JARID2: variants seen among roughly 807,000 people sequenced by gnomAD.
JARID2 encodes protein Jumonji.
A neutral mutation model predicts 125.6 loss-of-function variants in JARID2; 21 were observed. The observed-to-expected ratio is 0.17, with a 90% CI of 0.12 to 0.24. The LOEUF is 0.24. JARID2 is among the 10% of genes least tolerant of loss of function. The pLI is 1.00. For missense variants in JARID2, 1,303 were observed against 1,639.6 expected (o/e 0.79, Z 3.55); for synonymous variants, 736 against 661.6 (o/e 1.11, Z -1.73).
At chr6:15,462,096 A>G (rs1768480532) in intron 4 of JARID2, among the ~76,000 whole-genome samples, 1 of 152,150 alleles carries the variant, frequency 6.6e-6, no homozygotes, top group African/African-American at 2.4e-5. Flanking sequence ...AATTTTAACC[A>G]TTACCTTTCC....
intron 1 of JARID2, chr6:15,369,346 C>T (rs201724855): frequency 5.5e-5 from 24 of 440,080 alleles, no homozygotes; most frequent in Non-Finnish European, 2.7e-5. Context: ...AAGTTTGATT[C>T]CTGACCAATT....
chr6:15,321,042 T>C (rs1172644583), intron 1 of JARID2, among the ~76,000 whole-genome samples: 2 of 152,134 alleles, frequency 1.3e-5, no homozygotes, highest in Non-Finnish European at 2.9e-5. Flanking sequence ...TTACAAGTAG[T>C]ATTTTGCAGT....
chr6:15,462,307 A>C (rs756357341), intron 4 of JARID2, among the ~76,000 whole-genome samples: 2 of 152,210 alleles, frequency 1.3e-5, no homozygotes, highest in Non-Finnish European at 1.5e-5. Flanking sequence ...TCAGACCAGG[A>C]ATGGGCAGAG....
chr6:15,388,623 A>C (rs1764880969), intron 2 of JARID2, among the ~76,000 whole-genome samples: 2 of 148,948 alleles, frequency 1.3e-5, no homozygotes, highest in African/African-American at 4.9e-5. Context: ...ACAAACTATA[A>C]TATAAAATAT....
chr6:15,405,330 T>G (rs1051540264), intron 2 of JARID2, among the ~76,000 whole-genome samples: 2 of 152,128 alleles, frequency 1.3e-5, no homozygotes, highest in African/African-American at 4.8e-5. Context: ...GATGGCAGGG[T>G]TCTGTTGTGT....
intron 3 of JARID2, among the ~76,000 whole-genome samples, chr6:15,417,062 C>T (rs146392488): frequency 3.9e-5 from 6 of 152,174 alleles, no homozygotes; most frequent in Admixed American, 6.5e-5. Context: ...CAAGTAAATA[C>T]GAGATCTGAA....
At chr6:15,325,042 TTC>T (rs1554124101) in intron 1 of JARID2, among the ~76,000 whole-genome samples, 3 of 151,910 alleles carry the variant, frequency 2.0e-5, no homozygotes, top group Non-Finnish European at 2.9e-5. Flanking sequence ...TGTTTATAAT[TTC>T]TTTTTTTTTC....
At chr6:15,441,570 G>C (rs1317509589) in intron 3 of JARID2, among the ~76,000 whole-genome samples, 1 of 152,168 alleles carries the variant, frequency 6.6e-6, no homozygotes, top group Non-Finnish European at 1.5e-5. Context: ...CTTACTGCAT[G>C]AGAGGGAGGA....
intron 1 of JARID2, among the ~76,000 whole-genome samples, chr6:15,292,965 C>T (rs940727817): frequency 6.6e-6 from 1 of 152,232 alleles, no homozygotes; most frequent in African/African-American, 2.4e-5. Flanking sequence ...AGCCACCATG[C>T]CCAGCCTAAG....
At chr6:15,373,545 A>G (rs1764245632) in intron 1 of JARID2, among the ~76,000 whole-genome samples, 1 of 152,232 alleles carries the variant, frequency 6.6e-6, no homozygotes, top group Non-Finnish European at 1.5e-5. Flanking sequence ...CTCCTTCTGC[A>G]GTACTCTCTC....
At chr6:15,387,927 C>G (rs993994845) in intron 2 of JARID2, among the ~76,000 whole-genome samples, 1 of 152,032 alleles carries the variant, frequency 6.6e-6, no homozygotes, top group Admixed American at 6.6e-5. Context: ...TCTTATCTAC[C>G]TTTTGTGACT....
Position 15,322,611 on chromosome 6 carries a change from C to G in JARID2, c.46-51506C>G, listed in dbSNP as rs181593752. On this transcript the variant is annotated intron_variant, in intron 1 of 17. Transcript: ENST00000341776. ...TAGATTTCAGGGATTTGACTAAACC[C>G]AAATACCTGGGCCATATTTTTAGCC... Among the ~76,000 whole-genome samples the G allele has an allele frequency of 3.8e-3, 577 of 152,244 alleles. 2 individuals carry two copies. The highest frequency in any genetic ancestry group is 0.024 in the Middle Eastern group (7 of 294).
At chr6:15,416,172 C>A (rs944489090) in intron 3 of JARID2, among the ~76,000 whole-genome samples, 2 of 151,132 alleles carry the variant, frequency 1.3e-5, no homozygotes, top group Admixed American at 6.6e-5. Flanking sequence ...GATGGGATGG[C>A]GGCCGGGCAG....
intron 1 of JARID2, among the ~76,000 whole-genome samples, chr6:15,257,673 C>G (rs1318522251): frequency 6.6e-6 from 1 of 152,158 alleles, no homozygotes; most frequent in Admixed American, 6.5e-5. Flanking sequence ...TTGATCTTTC[C>G]TAGTACATTG....
chr6:15,430,068 G>T (rs1766904880), intron 3 of JARID2, among the ~76,000 whole-genome samples: 1 of 152,104 alleles, frequency 6.6e-6, no homozygotes, highest in Non-Finnish European at 1.5e-5. Flanking sequence ...TCTTCCCTTG[G>T]TGCCAACTTA....
At chr6:15,309,508 C>A (rs995732880) in intron 1 of JARID2, among the ~76,000 whole-genome samples, 1 of 151,842 alleles carries the variant, frequency 6.6e-6, no homozygotes, top group Non-Finnish European at 1.5e-5. Context: ...CTGTTCCGTG[C>A]AGTCATTAAA....
At chr6:15,513,163 G>T (rs1255205744) in intron 15 of JARID2, 76 bp from the exon 16 acceptor site, 4 of 1,501,368 alleles carry the variant, frequency 2.7e-6, no homozygotes, top group South Asian at 1.2e-5. Flanking sequence ...GGCCGGTGTG[G>T]GGTGCGTGTG....
chr6:15,469,304 G>GTCTC (rs71897623), intron 5 of JARID2, among the ~76,000 whole-genome samples: 1 of 55,826 alleles, frequency 1.8e-5, no homozygotes, highest in Non-Finnish European at 3.3e-5. Context: ...CTCTGTCTCT[G>GTCTC]TCTCTCTCTC....
At chr6:15,391,605 A>G (rs1285616401) in intron 2 of JARID2, among the ~76,000 whole-genome samples, 2 of 152,182 alleles carry the variant, frequency 1.3e-5, no homozygotes, top group Non-Finnish European at 2.9e-5. Context: ...GCAACCATTC[A>G]CTTTGCAATC....
Sources: allele counts gnomAD v4.1 joint callset (sites outside exome capture counted in the v4.1 genomes callset), GRCh38; gene constraint gnomAD v4.1.1; transcripts MANE v1.5; gene names NCBI Gene and HGNC (gene_info 2026-07-23, HGNC 2026-07-21).